Variants in GCH1 observed in about 807,000 individuals in gnomAD.
The protein encoded by GCH1 is GTP cyclohydrolase 1.
GCH1 carries 5 observed loss-of-function variants against 25.9 expected under a neutral mutation model. The ratio of observed to expected loss-of-function variants is 0.19; its 90% CI spans 0.10 to 0.41. The LOEUF is 0.41. GCH1 is among the 10% of genes least tolerant of loss of function. GCH1 has a pLI of 1.00. For synonymous variants in GCH1, 159 were observed against 129.6 expected (o/e 1.23, Z -1.54); for missense variants, 261 against 336.5 (o/e 0.78, Z 1.75).
chr14:54,902,625 C>A lies in GCH1; in HGVS notation c.39G>T (p.Pro13=). The change falls in exon 1 of 6, where the codon CCG becomes CCT. Residue 13 remains proline, a synonymous_variant. Transcript: ENST00000491895. ...KGPVRAPAEK[P]RGARCSNGFP... is the part of the protein sequence containing the mutation. ...ACCCATTGCTGCACCTGGCGCCCCG[C>A]GGCTTCTCCGCCGGTGCCCGCACAG... The A allele has an allele frequency of 1.3e-6, 2 of 1,486,050 alleles. No individual in the cohort carries two copies. Among genetic ancestry groups the A allele is most frequent in the Non-Finnish European group, 1.8e-6 (2 of 1,121,348 alleles). The allele number at this position is 1,486,050 out of a possible 1,614,324, so 92.1% of individuals were successfully genotyped here. A position where few individuals can be genotyped will look rare whatever the true frequency, so the allele number is the denominator to read the frequency against.
At chr14:54,850,947 A>G (rs1273260180) in intron 3 of GCH1, among the ~76,000 whole-genome samples, 4 of 152,190 alleles carry the variant, frequency 2.6e-5, no homozygotes, top group Non-Finnish European at 5.9e-5. Context: ...ATACGTGTGC[A>G]TGTGCTGGAG....
At chr14:54,861,247 G>T (rs2039892321) in intron 2 of GCH1, among the ~76,000 whole-genome samples, 1 of 152,100 alleles carries the variant, frequency 6.6e-6, no homozygotes, top group African/African-American at 2.4e-5. Context: ...TTCCTGGTTG[G>T]CAGGAGGAAA....
In GCH1 at chr14:54,872,610, G is replaced by A. The variant is rs1361590484; in HGVS notation, c.344-7174C>T. Reference sequence around the variant, plus strand: ...GCTGTATTCAGGAAACCCATCTCACGTGCAGAGACACACATAGGCTCAAAA... The same window carrying A: ...GCTGTATTCAGGAAACCCATCTCACATGCAGAGACACACATAGGCTCAAAA... On this transcript the variant is annotated intron_variant, in intron 1 of 5. Coordinates refer to ENST00000491895, the MANE Select transcript of GCH1 (RefSeq NM_000161.3). Among the ~76,000 whole-genome samples, 6 of 152,172 alleles carry A rather than the reference G, an allele frequency of 3.9e-5. No individual in the cohort carries two copies. The South Asian group carries it at 6.2e-4, about 16-fold the overall frequency.
At chr14:54,897,284 C>T (rs1351169915) in intron 1 of GCH1, among the ~76,000 whole-genome samples, 1 of 130,432 alleles carries the variant, frequency 7.7e-6, no homozygotes, top group Admixed American at 7.3e-5. Context: ...CCGTGCCCAA[C>T]CTCTACTCAC....
intron 1 of GCH1, among the ~76,000 whole-genome samples, chr14:54,887,791 T>C (rs925876922): frequency 6.6e-6 from 1 of 152,256 alleles, no homozygotes; most frequent in Non-Finnish European, 1.5e-5. Context: ...TATGGCAGAA[T>C]GTTAGTTTTC....
intron 1 of GCH1, among the ~76,000 whole-genome samples, chr14:54,901,884 A>C (rs900105551): frequency 3.9e-5 from 6 of 152,188 alleles, no homozygotes; most frequent in South Asian, 4.1e-4. Context: ...ACACCCTGAC[A>C]ATGGGATCTC....
At chr14:54,891,436 G>T (rs2140113695) in intron 1 of GCH1, among the ~76,000 whole-genome samples, 1 of 129,056 alleles carries the variant, frequency 7.7e-6, no homozygotes. Context: ...TTTAAACAGA[G>T]TCTCCCTCTG....
At chr14:54,872,112 C>G (rs1382584740) in intron 1 of GCH1, among the ~76,000 whole-genome samples, 9 of 152,126 alleles carry the variant, frequency 5.9e-5, no homozygotes, top group Admixed American at 5.2e-4. Context: ...GTCAGGTTAC[C>G]CACAAAGGGA....
chr14:54,848,912 A>C (rs2039684616), intron 3 of GCH1, among the ~76,000 whole-genome samples: 1 of 152,226 alleles, frequency 6.6e-6, no homozygotes, highest in Non-Finnish European at 1.5e-5. Context: ...ATTACTTCTG[A>C]TAGTTTTTCA....
At chr14:54,895,753 AG>A (rs576756809) in intron 1 of GCH1, among the ~76,000 whole-genome samples, 78 of 152,366 alleles carry the variant, frequency 5.1e-4, no homozygotes, top group African/African-American at 1.8e-3. Flanking sequence ...AGCTGGTCCA[AG>A]GATCAGCTTG....
chr14:54,874,679 A>G (rs555231874), intron 1 of GCH1, among the ~76,000 whole-genome samples: 1 of 152,348 alleles, frequency 6.6e-6, no homozygotes, highest in South Asian at 2.1e-4. Flanking sequence ...AAAAATCACG[A>G]GCATTTCTAT....
chr14:54,882,608 C>T (rs1279113886), intron 1 of GCH1, among the ~76,000 whole-genome samples: 2 of 152,122 alleles, frequency 1.3e-5, no homozygotes, highest in Non-Finnish European at 2.9e-5. Flanking sequence ...AGCTGTTAAA[C>T]CGAAAATGGA....
chr14:54,878,458 C>T (rs2040195124), intron 1 of GCH1, among the ~76,000 whole-genome samples: 2 of 152,232 alleles, frequency 1.3e-5, no homozygotes, highest in Admixed American at 6.5e-5. Context: ...ATTAAATCAA[C>T]TCAAGGTGCT....
chr14:54,845,987 C>T, intron 4 of GCH1, 135 bp from the exon 5 acceptor site: 1 of 694,274 alleles, frequency 1.4e-6, no homozygotes, highest in Admixed American at 2.1e-5. Context: ...CAGCTTTTAC[C>T]AGACTGCTTT....
chr14:54,871,495 G>A (rs937871779), intron 1 of GCH1, among the ~76,000 whole-genome samples: 11 of 152,178 alleles, frequency 7.2e-5, no homozygotes, highest in South Asian at 6.2e-4. Flanking sequence ...AAAGCCAGAC[G>A]GAGAATGACT....
chr14:54,847,824 G>A (rs950054978), intron 3 of GCH1, among the ~76,000 whole-genome samples: 1 of 151,646 alleles, frequency 6.6e-6, no homozygotes, highest in Admixed American at 6.6e-5. Flanking sequence ...AAACAGAGAT[G>A]AGTAACAAAA....
At chr14:54,898,829 A>G (rs1027975463) in intron 1 of GCH1, among the ~76,000 whole-genome samples, 3 of 152,216 alleles carry the variant, frequency 2.0e-5, no homozygotes, top group Non-Finnish European at 2.9e-5. Context: ...CATGTTGGCC[A>G]GGCTGGTCTC....
chr14:54,843,245 A>C lies in GCH1; in HGVS notation c.*772T>G, dbSNP rs2039587766. ...GTGTGAGTACTAAGTCTCATAAAAT[A>C]ATGGCTTTTTTAAAAAGGCAAAAGT... On this transcript the variant is annotated 3_prime_UTR_variant, in exon 6 of 6. Transcript: ENST00000491895. The C allele has an allele frequency of 6.5e-6, 9 of 1,390,456 alleles. No individual in the cohort carries two copies. In the South Asian group the frequency reaches 1.5e-4, roughly 23 times the overall value. 86.1% of individuals were successfully genotyped at this position (1,390,456 alleles called of 1,614,324 possible).
chr14:54,870,660 C>T (rs568707600), intron 1 of GCH1, among the ~76,000 whole-genome samples: 3 of 152,330 alleles, frequency 2.0e-5, no homozygotes, highest in African/African-American at 7.2e-5. Context: ...TAATACTGCA[C>T]TTTTCCAACG....
Sources: gnomAD v4.1 joint callset for allele counts (sites outside exome capture counted in the v4.1 genomes callset) on GRCh38, gnomAD v4.1.1 for gene constraint, MANE v1.5 for transcripts, NCBI Gene and HGNC (gene_info 2026-07-23, HGNC 2026-07-21) for gene names.